Variants in COL14A1 observed in about 807,000 individuals in gnomAD.
The protein encoded by COL14A1 is collagen alpha-1(XIV) chain.
COL14A1 carries 136 observed loss-of-function variants against 230.3 expected under a neutral mutation model. The observed-to-expected ratio is 0.59, with a 90% CI of 0.51 to 0.68. The LOEUF (loss-of-function observed/expected upper bound fraction) is 0.68, where lower values mean the gene tolerates loss of function less well. Ranked by LOEUF, COL14A1 falls within the 30% of genes least tolerant of loss-of-function variation. The probability of loss-of-function intolerance (pLI) is 0.00; values close to 1 mark genes in which losing one functional copy is unlikely to be tolerated. For synonymous variants in COL14A1, 792 were observed against 784.1 expected (o/e 1.01, Z -0.17); for missense variants, 1,976 against 2,215.8 (o/e 0.89, Z 2.17).
rs756855323 is a variant in COL14A1, at chr8:120,269,996, C to A, written c.3074-39C>A. The stretch of plus-strand genomic sequence containing the variant: ...ATTGGTTTAATAACTACTAACTTTT[C>A]CCCTTATCTCTGACTCAAAATTCAT... On this transcript the variant is annotated intron_variant, in intron 25 of 47. Coordinates refer to ENST00000297848, the MANE Select transcript of COL14A1 (RefSeq NM_021110.4). The A allele has an allele frequency of 2.5e-6, 4 of 1,606,192 alleles. No individual in the cohort carries two copies. The South Asian group carries it at 3.3e-5, about 13-fold the overall frequency.
At position 120,371,362 on chromosome 8, in the gene COL14A1, T is replaced by C; in HGVS notation, c.*131T>C. ...ATTTCAGCAGCCTAAATCTCCTCCT[T>C]GGATAATGTTAATATTATTATTATT... is the stretch of plus-strand genomic sequence containing the variant. On this transcript the variant is annotated 3_prime_UTR_variant, in exon 48 of 48. Transcript: ENST00000297848. 2.2e-6 allele frequency: 1 copy of C among 446,630 alleles called. No individual in the cohort carries two copies. The highest frequency in any genetic ancestry group is 3.5e-5 in the East Asian group (1 of 28,666). 27.7% of individuals were successfully genotyped at this position (446,630 alleles called of 1,614,324 possible).
At chr8:120,218,783 A>T (rs1261529921) in intron 14 of COL14A1, among the ~76,000 whole-genome samples, 4 of 152,236 alleles carry the variant, frequency 2.6e-5, no homozygotes, top group African/African-American at 9.6e-5. Flanking sequence ...GGACGCAGCC[A>T]GTCTCAGCTT....
In COL14A1 at chr8:120,362,063, T is replaced by A. The variant is rs140151729; in HGVS notation, c.5078-5108T>A. On this transcript the variant is annotated intron_variant, in intron 45 of 47. Coordinates refer to ENST00000297848, the MANE Select transcript of COL14A1 (RefSeq NM_021110.4). ...GCCAGAGAGAGTGTGCAGACACATT[T>A]GGCAGGAGGTTTGGGAAGCCATAAC... Among the ~76,000 whole-genome samples, 93 of 152,324 alleles carry A rather than the reference T, an allele frequency of 6.1e-4. 1 individual carries two copies. The highest frequency in any genetic ancestry group is 2.1e-3 in the African/African-American group (86 of 41,588).
intron 5 of COL14A1, among the ~76,000 whole-genome samples, chr8:120,187,395 C>T (rs1816683592): frequency 6.6e-6 from 1 of 152,110 alleles, no homozygotes; most frequent in African/African-American, 2.4e-5. Flanking sequence ...TCTATTTCCT[C>T]TCACTAAGAA....
intron 6 of COL14A1, 41 bp downstream of exon 6, chr8:120,196,987 G>A (rs773587099): frequency 6.9e-6 from 11 of 1,586,326 alleles, no homozygotes; most frequent in Admixed American, 3.5e-5. Flanking sequence ...AGTTGTCAGT[G>A]CAAAACTGCT....
intron 4 of COL14A1, among the ~76,000 whole-genome samples, chr8:120,164,876 G>A (rs1280769262): frequency 1.3e-5 from 2 of 152,146 alleles, no homozygotes; most frequent in African/African-American, 4.8e-5. Context: ...TCTAGTCTGA[G>A]GTTTTGCAAT....
intron 32 of COL14A1, among the ~76,000 whole-genome samples, chr8:120,285,463 C>CAAAA (rs1218052645): frequency 2.3e-4 from 15 of 64,978 alleles, no homozygotes; most frequent in African/African-American, 8.7e-4. Context: ...GACTCCATCT[C>CAAAA]AAAAAAAAAA....
chr8:120,132,766 A>T (rs1000998734), intron 1 of COL14A1, among the ~76,000 whole-genome samples: 5 of 152,088 alleles, frequency 3.3e-5, no homozygotes, highest in Non-Finnish European at 7.4e-5. Flanking sequence ...AATTACTAAA[A>T]CTGATTTTTT....
intron 1 of COL14A1, among the ~76,000 whole-genome samples, chr8:120,126,803 T>G (rs181131521): frequency 2.6e-5 from 4 of 152,334 alleles, no homozygotes; most frequent in Admixed American, 2.0e-4. Context: ...AGTGAATGAA[T>G]AAATGAATGA....
intron 31 of COL14A1, 104 bp from the exon 32 acceptor site, chr8:120,283,532 G>A: frequency 3.1e-6 from 4 of 1,276,640 alleles, no homozygotes; most frequent in Non-Finnish European, 4.3e-6. Context: ...GGTCTTTTCT[G>A]TTTTTCCAAA....
At chr8:120,293,439 C>A (rs1379797193) in intron 34 of COL14A1, among the ~76,000 whole-genome samples, 2 of 150,658 alleles carry the variant, frequency 1.3e-5, no homozygotes, top group African/African-American at 4.9e-5. Context: ...ATAGTTATTA[C>A]ATCTCTGCTA....
chr8:120,282,688 T>C (rs1429629368), intron 31 of COL14A1, among the ~76,000 whole-genome samples: 3 of 152,206 alleles, frequency 2.0e-5, no homozygotes, highest in Admixed American at 1.3e-4. Flanking sequence ...TAAAGGGTTG[T>C]ATTTTTTTGC....
chr8:120,233,930 T>G (rs1818357787), intron 19 of COL14A1, among the ~76,000 whole-genome samples: 1 of 152,344 alleles, frequency 6.6e-6, no homozygotes, highest in South Asian at 2.1e-4. Context: ...TTTTATGATA[T>G]TGATTCTAGC....
chr8:120,147,474 A>G (rs1404908601), intron 1 of COL14A1, among the ~76,000 whole-genome samples: 1 of 152,170 alleles, frequency 6.6e-6, no homozygotes, highest in Non-Finnish European at 1.5e-5. Flanking sequence ...TGGCAAGGAC[A>G]TTGGGATTGA....
At chr8:120,284,655 G>A (rs1320175860) in intron 32 of COL14A1, among the ~76,000 whole-genome samples, 1 of 152,164 alleles carries the variant, frequency 6.6e-6, no homozygotes, top group African/African-American at 2.4e-5. Flanking sequence ...ATATGATATT[G>A]TGGAAGCATT....
At chr8:120,250,169 A>T (rs114777809) in intron 21 of COL14A1, among the ~76,000 whole-genome samples, 45 of 152,336 alleles carry the variant, frequency 3.0e-4, no homozygotes, top group African/African-American at 1.1e-3. Flanking sequence ...GGTAACATTG[A>T]TGCTGGTTCA....
At chr8:120,179,532 A>G (rs1373989680) in intron 5 of COL14A1, among the ~76,000 whole-genome samples, 1 of 152,222 alleles carries the variant, frequency 6.6e-6, no homozygotes, top group Non-Finnish European at 1.5e-5. Flanking sequence ...GCTCAAGGAA[A>G]TAAGAGAGGA....
At chr8:120,285,546 T>G (rs2129931922) in intron 32 of COL14A1, among the ~76,000 whole-genome samples, 1 of 151,542 alleles carries the variant, frequency 6.6e-6, no homozygotes, top group Non-Finnish European at 1.5e-5. Context: ...CAGCTGTGTC[T>G]GCCTCTACTT....
intron 19 of COL14A1, among the ~76,000 whole-genome samples, chr8:120,242,811 T>A (rs1818645205): frequency 6.6e-6 from 1 of 152,222 alleles, no homozygotes; most frequent in South Asian, 2.1e-4. Flanking sequence ...TTTTAAGGGC[T>A]TAGCAATATC....
Sources: allele counts gnomAD v4.1 joint callset (sites outside exome capture counted in the v4.1 genomes callset), GRCh38; gene constraint gnomAD v4.1.1; transcripts MANE v1.5; gene names NCBI Gene and HGNC (gene_info 2026-07-23, HGNC 2026-07-21).